The following MAP3K4 variants were observed in gnomAD, a reference collection of about 807,000 sequenced individuals.
MAP3K4 encodes the protein MAP three kinase 1.
Under a neutral mutation model 185.6 loss-of-function variants are expected in MAP3K4, and 67 were observed. The observed-to-expected ratio is 0.36, with a 90% confidence interval of 0.30 to 0.44. The LOEUF (loss-of-function observed/expected upper bound fraction) is 0.44, where lower values mean the gene tolerates loss of function less well. MAP3K4 is among the 20% of genes least tolerant of loss of function. The pLI is 1.00. For missense variants in MAP3K4, 1,551 were observed against 1,995.1 expected, an observed-to-expected ratio of 0.78 and a Z score of 4.24; for synonymous variants, 702 against 710.4, an observed-to-expected ratio of 0.99 and a Z score of 0.19.
chr6:161,053,333 A>G lies in MAP3K4; in HGVS notation c.1707+3354A>G, dbSNP rs909993852. 6.6e-6 allele frequency among the ~76,000 whole-genome samples: 1 copy of G among 152,208 alleles called. No individual in the cohort carries two copies. Among genetic ancestry groups the G allele is most frequent in the East Asian group, 1.9e-4 (1 of 5,200 alleles). ...CACCTCCCACCAGGCCCCACCCCCA[A>G]CATTGGGGATTACTATTCAACATAG... On this transcript the variant is annotated intron_variant, in intron 3 of 26. Transcript: ENST00000392142. The surrounding 1 kb of genome is among the most constrained non-coding windows in gnomAD (Gnocchi z 4.2).
chr6:161,034,266 G>A lies in MAP3K4; in HGVS notation c.160G>A (p.Gly54Ser), dbSNP rs965500838. 1.2e-6 allele frequency: 2 copies of A among 1,612,702 alleles called. No individual in the cohort carries two copies. Among genetic ancestry groups the A allele is most frequent in the African/African-American group, 1.3e-5 (1 of 74,850 alleles). ...PECCLAARQE[G>S]TLGDSACKSP... ...GCACACTGTCTTTCATAGGCAAGAG[G>A]GCACATTGGGAGATTCAGCTTGCAA... Residue 54 changes from glycine to serine, a missense_variant, in exon 2 of 27, where the codon GGC becomes AGC. Gly to Ser is a moderately conservative substitution (Grantham distance 56, BLOSUM62 0). Transcript: ENST00000392142. The surrounding 1 kb of genome is among the most constrained non-coding windows in gnomAD (Gnocchi z 4.4).
intron 1 of MAP3K4, among the ~76,000 whole-genome samples, chr6:161,019,148 C>G (rs1782255853): frequency 6.6e-6 from 1 of 152,142 alleles, no homozygotes; most frequent in South Asian, 2.1e-4. Context: ...GTAAATGTTT[C>G]AAATTTGATA....
intron 3 of MAP3K4, among the ~76,000 whole-genome samples, chr6:161,065,937 C>CAAA (rs34648628): frequency 0.034 from 2,645 of 78,516 alleles, 109 homozygotes; most frequent in Non-Finnish European, 0.045. Context: ...GACTCCGTCT[C>CAAA]AAAAAAAAAA....
intron 1 of MAP3K4, among the ~76,000 whole-genome samples, chr6:161,020,994 A>G (rs1295747028): frequency 6.6e-6 from 1 of 152,210 alleles, no homozygotes; most frequent in Non-Finnish European, 1.5e-5. Flanking sequence ...TTTAAAGTTA[A>G]AAATAGGAGG....
At position 161,041,860 on chromosome 6, in the gene MAP3K4, C is replaced by T. The variant is rs577981945; in HGVS notation, c.344-6756C>T. ...CGGACAGAAGGTGGACAGACTCCAA[C>T]CATGGACAGGCAGATGCTCTCAGGG... On this transcript the variant is annotated intron_variant, in intron 2 of 26. Coordinates refer to ENST00000392142, the MANE Select transcript of MAP3K4 (RefSeq NM_005922.4). Among the ~76,000 whole-genome samples, 381 of 151,050 alleles carry T rather than the reference C, an allele frequency of 2.5e-3. 1 individual carries two copies. Among genetic ancestry groups the T allele is most frequent in the African/African-American group, 9.1e-3 (375 of 41,138 alleles).
At chr6:161,041,193 C>G (rs1443334862) in intron 2 of MAP3K4, among the ~76,000 whole-genome samples, 1 of 152,198 alleles carries the variant, frequency 6.6e-6, no homozygotes, top group Non-Finnish European at 1.5e-5. Flanking sequence ...CAGCACCTGC[C>G]CAAGGAACAT....
Position 161,097,032 on chromosome 6 carries a change from C to A in MAP3K4, c.3428-48C>A. 6.8e-7 allele frequency: 1 copy of A among 1,480,216 alleles called. No individual in the cohort carries two copies. The highest frequency in any genetic ancestry group is 9.4e-7 in the Non-Finnish European group (1 of 1,058,452). The allele number at this position is 1,480,216 out of a possible 1,614,324, so 91.7% of individuals were successfully genotyped here. ...TTTGACTGTTTGGTTTGATGATTTTCTGTGGACCATATTAACAAGTTGCAT... is the reference window on the plus strand; with the variant it reads ...TTTGACTGTTTGGTTTGATGATTTTATGTGGACCATATTAACAAGTTGCAT... On this transcript the variant is annotated intron_variant, in intron 15 of 26. Transcript: ENST00000392142. The surrounding 1 kb of genome is among the most constrained non-coding windows in gnomAD (Gnocchi z 4.9).
Position 161,086,693 on chromosome 6 carries a change from A to AC in MAP3K4, c.2556+26_2556+27insC. On this transcript the variant is annotated intron_variant, in intron 9 of 26. Transcript: ENST00000392142. This position sits in a 1 kb window ranked among gnomAD's most constrained non-coding sequence, Gnocchi z 4.8. ...GTAAGTACTTCAAATGTTGTGATTG[A>AC]AACATTTTGCCTTTCCTTCTTTATT... is the stretch of plus-strand genomic sequence containing the variant. 1 of 1,573,946 alleles carries AC rather than the reference A, an allele frequency of 6.4e-7. No individual in the cohort carries two copies. The highest frequency in any genetic ancestry group is 8.7e-7 in the Non-Finnish European group (1 of 1,152,840).
Position 161,101,749 on chromosome 6 carries a change from T to C in MAP3K4, c.3675-143T>C, listed in dbSNP as rs1434744720. 3.0e-6 allele frequency: 2 copies of C among 670,028 alleles called. No individual in the cohort carries two copies. The highest frequency in any genetic ancestry group is 5.1e-6 in the Non-Finnish European group (2 of 388,552). 41.5% of individuals were successfully genotyped at this position (670,028 alleles called of 1,614,324 possible). On this transcript the variant is annotated intron_variant, in intron 17 of 26. Coordinates refer to ENST00000392142, the MANE Select transcript of MAP3K4 (RefSeq NM_005922.4). The surrounding 1 kb of genome is among the most constrained non-coding windows in gnomAD (Gnocchi z 5.1). ...TGCCAGTAGCACCCTCCCAAAAGTG[T>C]CTAATACATTGCTGGAGGCAGAGTT...
At chr6:160,992,874 C>G (rs1780802284) in intron 1 of MAP3K4, among the ~76,000 whole-genome samples, 1 of 151,900 alleles carries the variant, frequency 6.6e-6, no homozygotes, top group African/African-American at 2.4e-5. Flanking sequence ...CCTCTTTTTA[C>G]GTGCCTATGT....
intron 1 of MAP3K4, among the ~76,000 whole-genome samples, chr6:161,031,955 A>T (rs1448478069): frequency 6.6e-6 from 1 of 152,136 alleles, no homozygotes; most frequent in African/African-American, 2.4e-5. Flanking sequence ...TCATTTTTCT[A>T]ATTATCCTGT....
chr6:161,102,725 A>C lies in MAP3K4; in HGVS notation c.3802A>C (p.Ser1268Arg). 6.2e-7 allele frequency: 1 copy of C among 1,601,850 alleles called. No individual in the cohort carries two copies. The highest frequency in any genetic ancestry group is 8.5e-7 in the Non-Finnish European group (1 of 1,176,182). The change falls in exon 19 of 27, where the codon AGT (serine) becomes CGT (arginine). Residue 1268 changes from serine (S) to arginine (R), a missense_variant. Physicochemically the swap from Ser to Arg is moderately radical, Grantham distance 110 (BLOSUM62 -1). Transcript: ENST00000392142. ...DEPAYPRGDS[S>R]GSTRRSWELR... ...ACCAGCATATCCAAGAGGAGATTCA[A>C]GTGGGTCCACAAGAAGAAGTTGGGA...
At chr6:161,113,301 T>C (rs9355872) in intron 25 of MAP3K4, among the ~76,000 whole-genome samples, 121,729 of 152,130 alleles carry the variant, frequency 0.8, 49,732 homozygotes, top group East Asian at 0.99. Flanking sequence ...AGCGATTCCA[T>C]TTAACGACAT....
rs776014792 is a variant in MAP3K4, at chr6:161,048,595, GTTTA to G, written c.344-17_344-14del. The G allele has an allele frequency of 2.1e-6, 3 of 1,437,408 alleles. No individual in the cohort carries two copies. The highest frequency in any genetic ancestry group is 2.3e-5 in the East Asian group (1 of 43,556). The allele number at this position is 1,437,408 out of a possible 1,614,324, so 89.0% of individuals were successfully genotyped here. A position where few individuals can be genotyped will look rare whatever the true frequency, so the allele number is the denominator to read the frequency against. ...ATATTTTAGAGTTATATAATGTTCT[GTTTA>G]TTTTTTTTTTTAATAGAAAAAATGA... On this transcript the variant is annotated splice_polypyrimidine_tract_variant and intron_variant, in intron 2 of 26. Coordinates refer to ENST00000392142, the MANE Select transcript of MAP3K4 (RefSeq NM_005922.4). The surrounding 1 kb of genome is among the most constrained non-coding windows in gnomAD (Gnocchi z 4.7).
At chr6:161,006,199 A>G (rs546672397) in intron 1 of MAP3K4, among the ~76,000 whole-genome samples, 3 of 152,278 alleles carry the variant, frequency 2.0e-5, no homozygotes, top group South Asian at 2.1e-4. Context: ...TCCATGATCC[A>G]TGTCTTCTTT....
intron 17 of MAP3K4, among the ~76,000 whole-genome samples, chr6:161,099,839 TTAAA>T (rs1344456885): frequency 3.3e-5 from 5 of 152,182 alleles, no homozygotes; most frequent in Non-Finnish European, 7.3e-5. Context: ...AGTATAAGAG[TTAAA>T]TACTACAGTT....
intron 1 of MAP3K4, among the ~76,000 whole-genome samples, chr6:161,019,290 T>G (rs1782263620): frequency 6.6e-6 from 1 of 152,254 alleles, no homozygotes; most frequent in South Asian, 2.1e-4. Context: ...TTGCCTGTCT[T>G]AAAAATAGTT....
At chr6:161,029,815 AT>A (rs1444012804) in intron 1 of MAP3K4, among the ~76,000 whole-genome samples, 1 of 151,860 alleles carries the variant, frequency 6.6e-6, no homozygotes, top group African/African-American at 2.4e-5. Context: ...TACCACTAGT[AT>A]TTTTCTGGAT....
intron 15 of MAP3K4, among the ~76,000 whole-genome samples, chr6:161,095,571 G>A (rs1235803342): frequency 6.6e-6 from 1 of 152,052 alleles, no homozygotes; most frequent in African/African-American, 2.4e-5. Flanking sequence ...CTTTCTCTGT[G>A]CCCATTTCAT....
Sources: allele counts gnomAD v4.1 joint callset (sites outside exome capture counted in the v4.1 genomes callset), GRCh38; gene constraint gnomAD v4.1.1; non-coding constraint Gnocchi (gnomAD v3.1); transcripts MANE v1.5; gene names NCBI Gene and HGNC (gene_info 2026-07-23, HGNC 2026-07-21).